CHD7: variants seen among roughly 807,000 people sequenced by gnomAD.
The protein encoded by CHD7 is ATP-dependent chromatin remodeler CHD7.
In CHD7, 24 loss-of-function variants were observed where a neutral mutation model predicts 307.3. That is an observed-to-expected ratio of 0.08 (90% CI 0.06 to 0.11). CHD7 has a LOEUF of 0.11. Among genes scored for constraint, CHD7 ranks in the 10% least tolerant of loss-of-function variants. The probability of loss-of-function intolerance (pLI) is 1.00; values close to 1 mark genes in which losing one functional copy is unlikely to be tolerated. For synonymous variants in CHD7, 1,363 were observed against 1,349.9 expected, an observed-to-expected ratio of 1.01 and a Z score of -0.21; for missense variants, 3,106 against 3,727.1, an observed-to-expected ratio of 0.83 and a Z score of 4.34.
chr8:60,792,597 T>A (rs1466721530), intron 3 of CHD7, among the ~76,000 whole-genome samples: 1 of 152,220 alleles, frequency 6.6e-6, no homozygotes, highest in Non-Finnish European at 1.5e-5. Flanking sequence ...CTTTCAGCTA[T>A]CTTGGAGGTT....
At chr8:60,744,085 G>A (rs1367006403) in intron 2 of CHD7, among the ~76,000 whole-genome samples, 2 of 152,214 alleles carry the variant, frequency 1.3e-5, no homozygotes, top group Non-Finnish European at 2.9e-5. Flanking sequence ...ATAACCTGTA[G>A]TTGAGAGTGC....
At chr8:60,708,230 T>A (rs184643374) in intron 1 of CHD7, among the ~76,000 whole-genome samples, 2 of 152,230 alleles carry the variant, frequency 1.3e-5, no homozygotes, top group African/African-American at 4.8e-5. Flanking sequence ...GCTTTAAGTA[T>A]GAGGTATTCG....
chr8:60,692,585 T>C (rs180888016), intron 1 of CHD7, among the ~76,000 whole-genome samples: 23 of 152,324 alleles, frequency 1.5e-4, no homozygotes, highest in Non-Finnish European at 3.4e-4. Context: ...CTTGTTAGCA[T>C]AATTTCGTGT....
At chr8:60,696,636 A>C (rs1357611408) in intron 1 of CHD7, among the ~76,000 whole-genome samples, 1 of 151,524 alleles carries the variant, frequency 6.6e-6, no homozygotes, top group Non-Finnish European at 1.5e-5. Context: ...TTTTTAATTC[A>C]GTCTTTCTAC....
chr8:60,710,234 CTT>C (rs35355868), intron 1 of CHD7, among the ~76,000 whole-genome samples: 19 of 141,888 alleles, frequency 1.3e-4, no homozygotes, highest in African/African-American at 2.1e-4. Flanking sequence ...GAAATGAAAA[CTT>C]TTTTTTTTTT....
At chr8:60,788,144 G>C (rs1811591547) in intron 3 of CHD7, among the ~76,000 whole-genome samples, 2 of 150,854 alleles carry the variant, frequency 1.3e-5, no homozygotes, top group Non-Finnish European at 3.0e-5. Context: ...TTTTTTTTGA[G>C]ACAGGGTCTT....
chr8:60,721,222 A>T (rs547127289), intron 1 of CHD7, among the ~76,000 whole-genome samples: 1 of 152,330 alleles, frequency 6.6e-6, no homozygotes, highest in African/African-American at 2.4e-5. Context: ...AATTAAGATT[A>T]CATGAGGTTA....
At chr8:60,761,297 A>G (rs956752240) in intron 2 of CHD7, among the ~76,000 whole-genome samples, 3 of 135,878 alleles carry the variant, frequency 2.2e-5, no homozygotes, top group African/African-American at 8.4e-5. Context: ...AACAATGAGA[A>G]CGCATGGACA....
At chr8:60,832,263 G>A (rs967704774) in intron 15 of CHD7, among the ~76,000 whole-genome samples, 8 of 152,126 alleles carry the variant, frequency 5.3e-5, no homozygotes, top group East Asian at 1.9e-4. Context: ...GAGCTCAAGT[G>A]ATCTGCCTAC....
chr8:60,759,725 G>T (rs1443066018), intron 2 of CHD7, among the ~76,000 whole-genome samples: 7 of 152,156 alleles, frequency 4.6e-5, no homozygotes, highest in African/African-American at 1.7e-4. Context: ...CATGTCTCTA[G>T]TATGGGATTT....
chr8:60,861,018 G>A lies in CHD7; in HGVS notation c.7723G>A (p.Glu2575Lys). ...PDTRIPVINL[E>K]DGTRLVGEDA... Reference sequence around the variant, plus strand: ...CACACGGATCCCTGTTATCAATCTTGAAGATGGGACTAGGCTGGTGGGGGA... The same window carrying A: ...CACACGGATCCCTGTTATCAATCTTAAAGATGGGACTAGGCTGGTGGGGGA... The change falls in exon 35 of 38, where the codon GAA becomes AAA. Residue 2575 changes from glutamate (E) to lysine (K), a missense_variant. Transcript: ENST00000423902. 6.2e-7 allele frequency: 1 copy of A among 1,613,994 alleles called. No homozygotes were observed. Among genetic ancestry groups the A allele is most frequent in the Non-Finnish European group, 8.5e-7 (1 of 1,179,874 alleles).
chr8:60,693,537 A>C lies in CHD7; in HGVS notation c.-175+14455A>C, dbSNP rs1159292427. On this transcript the variant is annotated intron_variant, in intron 1 of 37. Coordinates refer to ENST00000423902, the MANE Select transcript of CHD7 (RefSeq NM_017780.4). ...CAGGCTCCCTGTCTTGGGCAGGGCA[A>C]GGTTGCCCTGTGCCTGTGGCCTGTC... Among the ~76,000 whole-genome samples, 6 of 152,234 alleles carry C rather than the reference A, an allele frequency of 3.9e-5. 1 individual carries two copies. In the South Asian group the frequency reaches 1.0e-3, roughly 26 times the overall value.
At chr8:60,780,906 A>T in intron 2 of CHD7, 94 bp from the exon 3 acceptor site, 1 of 1,276,348 alleles carries the variant, frequency 7.8e-7, no homozygotes. Context: ...CTGAGTATAG[A>T]ATAAGTTTCA....
chr8:60,818,895 T>A (rs1803883510), intron 8 of CHD7, among the ~76,000 whole-genome samples: 1 of 152,238 alleles, frequency 6.6e-6, no homozygotes, highest in Non-Finnish European at 1.5e-5. Flanking sequence ...AAAATGTGTC[T>A]TTTGTTTTCT....
rs367576208 is a variant in CHD7, at chr8:60,737,080, C to T, written c.-174-4179C>T. Among the ~76,000 whole-genome samples the T allele has an allele frequency of 2.0e-5, 3 of 151,926 alleles. No homozygotes were observed. The East Asian group carries it at 5.8e-4, about 29-fold the overall frequency. The stretch of plus-strand genomic sequence containing the variant: ...TTCAAAATATTAATATTTTCAGTGA[C>T]ATTTCTTTCATCTTGGTTTCTTGCG... On this transcript the variant is annotated intron_variant, in intron 1 of 37. Transcript: ENST00000423902.
chr8:60,835,743 A>G (rs1804713395), intron 15 of CHD7, among the ~76,000 whole-genome samples: 1 of 152,172 alleles, frequency 6.6e-6, no homozygotes, highest in South Asian at 2.1e-4. Flanking sequence ...AATTTTCTGT[A>G]GGTATCTGGC....
chr8:60,698,842 A>G (rs1806622029), intron 1 of CHD7, among the ~76,000 whole-genome samples: 1 of 152,124 alleles, frequency 6.6e-6, no homozygotes, highest in Admixed American at 6.5e-5. Context: ...GCTGGAGTGC[A>G]GTGGCACAGT....
intron 7 of CHD7, 61 bp downstream of exon 7, chr8:60,808,333 ATT>A: frequency 1.0e-6 from 1 of 982,366 alleles, no homozygotes; most frequent in Non-Finnish European, 1.5e-6. Flanking sequence ...GTAAACGACC[ATT>A]TTTTTTTAAA....
At chr8:60,801,891 T>C (rs1812332076) in intron 6 of CHD7, among the ~76,000 whole-genome samples, 1 of 152,212 alleles carries the variant, frequency 6.6e-6, no homozygotes, top group Non-Finnish European at 1.5e-5. Context: ...TTCATAAATA[T>C]TATTCATAAA....
Sources: gnomAD v4.1 joint callset for allele counts (sites outside exome capture counted in the v4.1 genomes callset) on GRCh38, gnomAD v4.1.1 for gene constraint, MANE v1.5 for transcripts, NCBI Gene and HGNC (gene_info 2026-07-23, HGNC 2026-07-21) for gene names.